Variants in CEP63 observed in about 807,000 individuals in gnomAD.
The protein encoded by CEP63 is centrosomal protein 63, also known as centrosomal protein of 63 kDa.
In CEP63, 84 loss-of-function variants were observed where a neutral mutation model predicts 89.1. The observed-to-expected ratio is 0.94, with a 90% confidence interval of 0.79 to 1.13. The LOEUF (loss-of-function observed/expected upper bound fraction) is 1.13. CEP63 is among the 50% of genes most tolerant of loss of function. The pLI is 0.00. For missense variants in CEP63, 838 were observed against 813.3 expected (o/e 1.03, Z -0.37); for synonymous variants, 267 against 272.5 (o/e 0.98, Z 0.20).
At chr3:134,736,203 C>T in the CEP63 span, among the ~76,000 whole-genome samples, 24 of 151,914 alleles carry the variant, frequency 1.6e-4, no homozygotes, top group Admixed American at 3.3e-4. Flanking sequence ...AAAAATCATA[C>T]GGAATATGTA....
At chr3:134,507,780 A>G (rs994299371) in intron 3 of CEP63, among the ~76,000 whole-genome samples, 5 of 152,252 alleles carry the variant, frequency 3.3e-5, no homozygotes, top group African/African-American at 1.2e-4. Context: ...AAAGAAGAAA[A>G]TAAAAATTAC....
the CEP63 span, among the ~76,000 whole-genome samples, chr3:134,658,643 CAG>C: frequency 1.3e-5 from 2 of 152,200 alleles, no homozygotes; most frequent in African/African-American, 4.8e-5. Flanking sequence ...CTGAGCTTTC[CAG>C]AGATGTGTAG....
chr3:134,525,284 T>C (rs1482362601), intron 3 of CEP63, among the ~76,000 whole-genome samples: 1 of 152,200 alleles, frequency 6.6e-6, no homozygotes, highest in African/African-American at 2.4e-5. Context: ...TTTATTAGTC[T>C]AGCTGGTGGT....
intron 3 of CEP63, among the ~76,000 whole-genome samples, chr3:134,521,524 C>A (rs1436618415): frequency 6.6e-6 from 1 of 152,118 alleles, no homozygotes; most frequent in African/African-American, 2.4e-5. Context: ...CACTAAAAGT[C>A]CTTGTCTTTT....
intron 12 of CEP63, among the ~76,000 whole-genome samples, chr3:134,556,146 C>T (rs1366268206): frequency 8.4e-4 from 125 of 148,382 alleles, no homozygotes; most frequent in African/African-American, 2.9e-3. Context: ...AAGACTTAAA[C>T]GTTAGACCTA....
At chr3:134,624,341 C>T in the CEP63 span, among the ~76,000 whole-genome samples, 2 of 152,234 alleles carry the variant, frequency 1.3e-5, no homozygotes, top group African/African-American at 4.8e-5. Flanking sequence ...CTTTGCTTCT[C>T]ATCTGGCTTT....
chr3:134,510,505 G>A (rs1257074156), intron 3 of CEP63: 7 of 365,236 alleles, frequency 1.9e-5, no homozygotes, highest in Non-Finnish European at 2.6e-5. Context: ...TACCATATAT[G>A]TGCCTTTTTT....
chr3:134,686,336 C>G, the CEP63 span, among the ~76,000 whole-genome samples: 2 of 152,176 alleles, frequency 1.3e-5, no homozygotes, highest in East Asian at 1.9e-4. Flanking sequence ...ATTTCCCAGG[C>G]CTTCAGAAGG....
the CEP63 span, among the ~76,000 whole-genome samples, chr3:134,724,284 C>T: frequency 4.8e-4 from 73 of 152,230 alleles, 1 homozygote; most frequent in Non-Finnish European, 5.9e-5. Context: ...CTCTGTCAAA[C>T]TTCTCTTTCT....
chr3:134,696,562 G>A, the CEP63 span, among the ~76,000 whole-genome samples: 49 of 152,282 alleles, frequency 3.2e-4, no homozygotes, highest in African/African-American at 1.1e-3. Context: ...TATGATCACT[G>A]TGGAATATTG....
chr3:134,524,049 T>C (rs1030189919), intron 3 of CEP63, among the ~76,000 whole-genome samples: 10 of 152,210 alleles, frequency 6.6e-5, no homozygotes, highest in African/African-American at 2.4e-4. Context: ...TTTGTTTGTG[T>C]CATCTCTAAT....
the CEP63 span, chr3:134,779,678 G>A: frequency 1.3e-5 from 2 of 152,282 alleles, no homozygotes; most frequent in East Asian, 3.9e-4. Flanking sequence ...GCTATGTCAG[G>A]ATCAGAGCCT....
chr3:134,758,046 G>A, the CEP63 span, among the ~76,000 whole-genome samples: 32 of 152,296 alleles, frequency 2.1e-4, no homozygotes, highest in Non-Finnish European at 2.9e-4. Flanking sequence ...TCACGATGAT[G>A]TATCTAAGGT....
chr3:134,641,147 G>A, the CEP63 span: 1 of 152,226 alleles, frequency 6.6e-6, no homozygotes, highest in East Asian at 1.9e-4. Flanking sequence ...CACATCATTT[G>A]CTCTTACCTC....
chr3:134,703,831 A>G, the CEP63 span, among the ~76,000 whole-genome samples: 1 of 152,216 alleles, frequency 6.6e-6, no homozygotes, highest in African/African-American at 2.4e-5. Context: ...TATATTTTAA[A>G]TGCATCCGTT....
At chr3:134,732,573 G>A in the CEP63 span, among the ~76,000 whole-genome samples, 5 of 151,888 alleles carry the variant, frequency 3.3e-5, no homozygotes, top group African/African-American at 1.2e-4. Context: ...TTTAAAAACT[G>A]AAGGGCAGAA....
At chr3:134,704,512 A>G in the CEP63 span, among the ~76,000 whole-genome samples, 139 of 152,286 alleles carry the variant, frequency 9.1e-4, no homozygotes, top group African/African-American at 3.0e-3. Context: ...GAGAGAGAGA[A>G]AATGATGGAA....
the CEP63 span, among the ~76,000 whole-genome samples, chr3:134,665,650 A>G: frequency 2.4e-5 from 3 of 124,356 alleles, no homozygotes; most frequent in Non-Finnish European, 5.0e-5. Context: ...GGGGAAACAG[A>G]GGACACACAC....
the CEP63 span, chr3:134,643,495 A>C: frequency 1.3e-6 from 1 of 755,044 alleles, no homozygotes; most frequent in East Asian, 2.6e-5. Flanking sequence ...GCACATCCCC[A>C]GGCCTAAATG....
Sources: gnomAD v4.1 joint callset for allele counts (sites outside exome capture counted in the v4.1 genomes callset) on GRCh38, gnomAD v4.1.1 for gene constraint, MANE v1.5 for transcripts, NCBI Gene and HGNC (gene_info 2026-07-23, HGNC 2026-07-21) for gene names.